Variants in FCHO2 observed in about 807,000 individuals in gnomAD.
FCHO2 encodes the protein F-BAR domain only protein 2.
Under a neutral mutation model 114.1 loss-of-function variants are expected in FCHO2, and 43 were observed. The ratio of observed to expected loss-of-function variants is 0.38; its 90% confidence interval spans 0.30 to 0.49. FCHO2 has a LOEUF of 0.49. Among genes scored for constraint, FCHO2 ranks in the 20% least tolerant of loss-of-function variants. The pLI, the probability that FCHO2 is intolerant of heterozygous loss-of-function variation, is 0.97. For synonymous variants in FCHO2, 293 were observed against 315.2 expected (o/e 0.93, Z 0.75); for missense variants, 807 against 950.4 (o/e 0.85, Z 1.98).
At position 73,041,299 on chromosome 5, in the gene FCHO2, C is replaced by A; in HGVS notation, c.923C>A (p.Pro308His). 6.8e-7 allele frequency: 1 copy of A among 1,481,032 alleles called. No homozygotes were observed. Among genetic ancestry groups the A allele is most frequent in the Non-Finnish European group, 9.4e-7 (1 of 1,066,432 alleles). The allele number at this position is 1,481,032 out of a possible 1,614,324, so 91.7% of individuals were successfully genotyped here. Reference sequence around the variant, plus strand: ...ATATTTTGTTTTAATAGGGAATGTCCTGATGCAGATTCATTGGTAAGTAGA... The same window carrying A: ...ATATTTTGTTTTAATAGGGAATGTCATGATGCAGATTCATTGGTAAGTAGA... ...KEKDAESVEC[P>H]DADSLNIPDV... The change falls in exon 11 of 26, where the codon CCT becomes CAT. Residue 308 changes from proline (P) to histidine (H), a missense_variant. Physicochemically the swap from Pro to His is moderately conservative, Grantham distance 77. Coordinates refer to ENST00000430046, the MANE Select transcript of FCHO2 (RefSeq NM_138782.3).
chr5:72,960,037 C>T (rs972857123), intron 1 of FCHO2, among the ~76,000 whole-genome samples: 4 of 152,220 alleles, frequency 2.6e-5, no homozygotes, highest in Non-Finnish European at 4.4e-5. Flanking sequence ...GCCTCAGCTT[C>T]CCAAAGTGCT....
intron 8 of FCHO2, among the ~76,000 whole-genome samples, chr5:73,017,779 C>A (rs1306320790): frequency 6.6e-6 from 1 of 152,006 alleles, no homozygotes; most frequent in Admixed American, 6.6e-5. Flanking sequence ...ATACATTTAA[C>A]AAATATATTT....
At chr5:72,976,522 A>G (rs1029850532) in intron 2 of FCHO2, among the ~76,000 whole-genome samples, 4 of 151,956 alleles carry the variant, frequency 2.6e-5, no homozygotes, top group African/African-American at 9.7e-5. Context: ...ATCTTTTCAT[A>G]TGCTTATTTG....
chr5:73,074,839 A>G lies in FCHO2; in HGVS notation c.1677A>G (p.Gly559=). 6.2e-7 allele frequency: 1 copy of G among 1,611,810 alleles called. No individual in the cohort carries two copies. The highest frequency in any genetic ancestry group is 8.5e-7 in the Non-Finnish European group (1 of 1,179,022). The change falls in exon 20 of 26, where the codon GGA becomes GGG. Residue 559 remains glycine (G), a synonymous_variant. Coordinates refer to ENST00000430046, the MANE Select transcript of FCHO2 (RefSeq NM_138782.3). ...LTESVNAYFK[G]ADPTKCIVKI... ...AATCTGTTAATGCCTACTTTAAAGG[A>G]GCAGATCCCACCAAGTTAGTTTTTA...
At chr5:73,065,854 G>T (rs1742292738) in intron 18 of FCHO2, among the ~76,000 whole-genome samples, 1 of 151,824 alleles carries the variant, frequency 6.6e-6, no homozygotes, top group East Asian at 1.9e-4. Context: ...AGTGAATATT[G>T]TACCCAACAG....
At chr5:73,028,521 G>A (rs1756059521) in intron 8 of FCHO2, among the ~76,000 whole-genome samples, 1 of 152,020 alleles carries the variant, frequency 6.6e-6, no homozygotes, top group South Asian at 2.1e-4. Flanking sequence ...TTTCCATGCA[G>A]TGAAGTACTA....
intron 18 of FCHO2, among the ~76,000 whole-genome samples, chr5:73,065,266 C>CT (rs1758010592): frequency 6.6e-6 from 1 of 151,784 alleles, no homozygotes; most frequent in South Asian, 2.1e-4. Flanking sequence ...ATGACTAGAA[C>CT]TTTGAGTACA....
At chr5:72,976,687 T>C (rs1262677492) in intron 2 of FCHO2, among the ~76,000 whole-genome samples, 1 of 152,144 alleles carries the variant, frequency 6.6e-6, no homozygotes, top group Non-Finnish European at 1.5e-5. Flanking sequence ...GGTTGTTACA[T>C]AGGTATACAT....
chr5:73,070,812 G>A (rs769893549), intron 19 of FCHO2, among the ~76,000 whole-genome samples: 2 of 151,944 alleles, frequency 1.3e-5, no homozygotes, highest in Non-Finnish European at 2.9e-5. Flanking sequence ...TTTCAACGCT[G>A]TGTGGATTTA....
chr5:72,969,418 T>C (rs1201398290), intron 2 of FCHO2, among the ~76,000 whole-genome samples: 1 of 152,206 alleles, frequency 6.6e-6, no homozygotes, highest in East Asian at 1.9e-4. Context: ...GGTTCTTTTC[T>C]TACTCCCTCC....
chr5:72,996,322 C>A (rs571376749), intron 5 of FCHO2, among the ~76,000 whole-genome samples: 9 of 150,486 alleles, frequency 6.0e-5, no homozygotes, highest in Admixed American at 1.3e-4. Flanking sequence ...ATTACTCTTG[C>A]AAAGAAAAGG....
At chr5:73,081,118 A>C (rs1743076490) in intron 22 of FCHO2, among the ~76,000 whole-genome samples, 1 of 152,138 alleles carries the variant, frequency 6.6e-6, no homozygotes, top group African/African-American at 2.4e-5. Context: ...TCAAAATAAT[A>C]ATCATAATAT....
At position 73,077,416 on chromosome 5, in the gene FCHO2, T is replaced by A. The variant is rs1306347033; in HGVS notation, c.1770T>A (p.Thr590=). ...TTAAAGTCTTCACCAGCAATCCAAC[T>A]CCAGCTGTGTTGTGCTTCAGGGTGA... ...GIIKVFTSNP[T]PAVLCFRVKN... The change falls in exon 21 of 26, where the codon ACT becomes ACA. Residue 590 remains threonine, a synonymous_variant. Coordinates refer to ENST00000430046, the MANE Select transcript of FCHO2 (RefSeq NM_138782.3). 5 of 1,596,858 alleles carry A rather than the reference T, an allele frequency of 3.1e-6. No individual in the cohort carries two copies.
chr5:73,077,249 C>A, intron 20 of FCHO2, 89 bp from the exon 21 acceptor site: 1 of 1,151,256 alleles, frequency 8.7e-7, no homozygotes, highest in Non-Finnish European at 1.2e-6. Context: ...TGTGTGTGCG[C>A]ACGTGCACGC....
At chr5:72,968,125 C>T (rs866038778) in intron 1 of FCHO2, among the ~76,000 whole-genome samples, 18 of 151,876 alleles carry the variant, frequency 1.2e-4, no homozygotes, top group East Asian at 1.9e-4. Context: ...GGGGTTTCAC[C>T]ATGTTAGCCA....
intron 6 of FCHO2, among the ~76,000 whole-genome samples, chr5:73,012,872 C>A (rs767497602): frequency 1.3e-4 from 19 of 151,894 alleles, no homozygotes; most frequent in Non-Finnish European, 2.6e-4. Flanking sequence ...CTGATTCATG[C>A]CTTGAGTTTC....
At chr5:73,019,501 A>C (rs112517188) in intron 8 of FCHO2, among the ~76,000 whole-genome samples, 1 of 152,134 alleles carries the variant, frequency 6.6e-6, no homozygotes, top group African/African-American at 2.4e-5. Context: ...AGATTGCGCC[A>C]TTGCACTCCA....
In FCHO2 at chr5:73,058,511, TTCA is replaced by T. The variant is rs753366821; in HGVS notation, c.1342_1344del (p.Ser448del). On this transcript the variant is annotated inframe_deletion, in exon 17 of 26. Coordinates refer to ENST00000430046, the MANE Select transcript of FCHO2 (RefSeq NM_138782.3). ...ATTCATCTTCTTCATCTTCACTAAC[TTCA>T]TCATCATCAGGTAAATATATATATG... 15 of 1,379,072 alleles carry T rather than the reference TTCA, an allele frequency of 1.1e-5. No homozygotes were observed. The African/African-American group carries it at 1.7e-4, about 16-fold the overall frequency. The allele number at this position is 1,379,072 out of a possible 1,614,324, so 85.4% of individuals were successfully genotyped here. A position where few individuals can be genotyped will look rare whatever the true frequency, so the allele number is the denominator to read the frequency against.
At chr5:73,073,502 C>T (rs1742760819) in intron 19 of FCHO2, among the ~76,000 whole-genome samples, 1 of 151,982 alleles carries the variant, frequency 6.6e-6, no homozygotes, top group South Asian at 2.1e-4. Flanking sequence ...AAATGTCCCC[C>T]TAGCAAAGTG....
Sources: allele counts gnomAD v4.1 joint callset (sites outside exome capture counted in the v4.1 genomes callset), GRCh38; gene constraint gnomAD v4.1.1; transcripts MANE v1.5; gene names NCBI Gene and HGNC (gene_info 2026-07-23, HGNC 2026-07-21).